TOPBP1: variants seen among roughly 807,000 people sequenced by gnomAD.
TOPBP1 encodes the protein DNA topoisomerase II binding protein 1, also known as DNA topoisomerase 2-binding protein 1.
In TOPBP1, 28 loss-of-function variants were observed where a neutral mutation model predicts 167.7. That is an observed-to-expected ratio of 0.17 (90% CI 0.12 to 0.23). The LOEUF (loss-of-function observed/expected upper bound fraction) is 0.23, where lower values mean the gene tolerates loss of function less well. Among genes scored for constraint, TOPBP1 ranks in the 10% least tolerant of loss-of-function variants. The pLI is 1.00. For synonymous variants in TOPBP1, 598 were observed against 611.4 expected (o/e 0.98, Z 0.32); for missense variants, 1,554 against 1,809.6 (o/e 0.86, Z 2.56).
At chr3:133,624,200 AAAT>A (rs755632880) in intron 16 of TOPBP1, 25 bp from the exon 17 acceptor site, 1 of 1,608,960 alleles carries the variant, frequency 6.2e-7, no homozygotes, top group Admixed American at 1.7e-5. Context: ...ACAAAAAAAC[AAAT>A]AACCAAGAGA....
At chr3:133,604,569 G>A (rs904620857) in intron 27 of TOPBP1, among the ~76,000 whole-genome samples, 1 of 151,676 alleles carries the variant, frequency 6.6e-6, no homozygotes, top group African/African-American at 2.4e-5. Context: ...AAATGAAACA[G>A]AAAATAGGAA....
chr3:133,656,844 T>A lies in TOPBP1; in HGVS notation c.377A>T (p.Lys126Ile). ...TCGTCCGCCCATCATTTGTACATAT[T>A]TATGAACTTCTTCCTGCAGCCCCAA... is the stretch of plus-strand genomic sequence containing the variant. ...LEKEKREEVH[K>I]YVQMMGGRVY... The change falls in exon 5 of 28, where the codon AAA becomes ATA. Residue 126 changes from lysine to isoleucine, a missense_variant. Physicochemically the swap from Lys to Ile is moderately radical, Grantham distance 102. Around this residue, in one of 3 missense-constraint regions of TOPBP1, gnomAD observed 1,197 missense variants for 1,351.5 expected, o/e 0.89. Coordinates refer to ENST00000260810, the MANE Select transcript of TOPBP1 (RefSeq NM_007027.4). 1 of 1,578,084 alleles carries A rather than the reference T, an allele frequency of 6.3e-7. No homozygotes were observed. The highest frequency in any genetic ancestry group is 1.2e-5 in the South Asian group (1 of 84,884).
intron 12 of TOPBP1, among the ~76,000 whole-genome samples, chr3:133,641,080 CTTTT>C (rs896168939): frequency 6.6e-6 from 1 of 151,400 alleles, no homozygotes; most frequent in African/African-American, 2.4e-5. Context: ...TTTCCTAGCA[CTTTT>C]TTTTTCTATG....
rs373900372 is a variant in TOPBP1 at position 133,612,107 on chromosome 3, T to C, written c.4035+282A>G. Among the ~76,000 whole-genome samples, 31 of 151,858 alleles carry C rather than the reference T, an allele frequency of 2.0e-4. 1 individual carries two copies. In the East Asian group the frequency reaches 4.3e-3, roughly 21 times the overall value. On this transcript the variant is annotated intron_variant, in intron 24 of 27. Coordinates refer to ENST00000260810, the MANE Select transcript of TOPBP1 (RefSeq NM_007027.4). ...CCCAGGCTGGAGTACAATGGCATGA[T>C]CTCGGCTCACTGCAACCTCTGCCTT...
intron 17 of TOPBP1, among the ~76,000 whole-genome samples, chr3:133,623,812 T>C (rs1211567004): frequency 6.6e-6 from 1 of 152,234 alleles, no homozygotes; most frequent in African/African-American, 2.4e-5. Flanking sequence ...ATATCACATT[T>C]TTAATTAGTA....
intron 10 of TOPBP1, among the ~76,000 whole-genome samples, chr3:133,645,535 CCTT>C (rs978169220): frequency 3.9e-5 from 6 of 151,962 alleles, no homozygotes; most frequent in African/African-American, 9.7e-5. Flanking sequence ...TAAGTAAAAA[CCTT>C]CTTATTTTTT....
intron 14 of TOPBP1, among the ~76,000 whole-genome samples, chr3:133,636,424 A>G (rs576093871): frequency 6.6e-6 from 1 of 152,270 alleles, no homozygotes; most frequent in Non-Finnish European, 1.5e-5. Flanking sequence ...TTATAAGATT[A>G]TAGATGAAGC....
Position 133,601,066 on chromosome 3 carries a change from A to G in TOPBP1, c.*184T>C. The G allele has an allele frequency of 2.3e-6, 1 of 438,612 alleles. No homozygotes were observed. The highest frequency in any genetic ancestry group is 4.0e-6 in the Non-Finnish European group (1 of 250,334). The allele number at this position is 438,612 out of a possible 1,614,324, so 27.2% of individuals were successfully genotyped here. On this transcript the variant is annotated 3_prime_UTR_variant, in exon 28 of 28. Transcript: ENST00000260810. Reference sequence around the variant, plus strand: ...TATTTCAGGTAACTTTTTATTAAGAAACAGTTAATATTTCAGTGATTACAA... The same window carrying G: ...TATTTCAGGTAACTTTTTATTAAGAGACAGTTAATATTTCAGTGATTACAA...
intron 22 of TOPBP1, 68 bp from the exon 23 acceptor site, chr3:133,616,993 G>C: frequency 8.0e-7 from 1 of 1,254,644 alleles, no homozygotes. Flanking sequence ...TTCTTTTATA[G>C]TGGTATTTTA....
chr3:133,638,807 T>G (rs2107807838), intron 13 of TOPBP1, among the ~76,000 whole-genome samples: 1 of 152,316 alleles, frequency 6.6e-6, no homozygotes, highest in East Asian at 1.9e-4. Context: ...ACAAAAAACC[T>G]TATTAGATAG....
intron 12 of TOPBP1, among the ~76,000 whole-genome samples, chr3:133,641,233 T>A (rs1238156164): frequency 6.6e-6 from 1 of 152,246 alleles, no homozygotes; most frequent in African/African-American, 2.4e-5. Flanking sequence ...CTTCCTTATA[T>A]ATATTTGAAA....
Position 133,620,152 on chromosome 3 carries a change from C to G in TOPBP1, c.3371+3G>C. 1 of 1,609,066 alleles carries G rather than the reference C, an allele frequency of 6.2e-7. No individual in the cohort carries two copies. The highest frequency in any genetic ancestry group is 8.5e-7 in the Non-Finnish European group (1 of 1,177,588). On this transcript the variant is annotated splice_donor_region_variant and intron_variant, in intron 20 of 27. Coordinates refer to ENST00000260810, the MANE Select transcript of TOPBP1 (RefSeq NM_007027.4). ...CTTTCTGCCATCAGTGACAGGTACA[C>G]ACCTCAGTGCCTCTAGGACTCTACT...
Position 133,661,846 on chromosome 3 carries a change from C to T in TOPBP1, c.-85G>A, listed in dbSNP as rs976268868. The T allele has an allele frequency of 6.6e-6, 1 of 152,318 alleles. No individual in the cohort carries two copies. The highest frequency in any genetic ancestry group is 2.4e-5 in the African/African-American group (1 of 41,468). The allele number at this position is 152,318 out of a possible 1,614,324, so 9.4% of individuals were successfully genotyped here. ...CAGGGCGGTGGCTGGGGTCGGGCGC[C>T]AGCCCGGCGCACAGCCCCCTCCCCC... is the stretch of plus-strand genomic sequence containing the variant. On this transcript the variant is annotated 5_prime_UTR_variant, in exon 1 of 28. Coordinates refer to ENST00000260810, the MANE Select transcript of TOPBP1 (RefSeq NM_007027.4).
At chr3:133,639,427 A>C (rs1935812588) in intron 13 of TOPBP1, among the ~76,000 whole-genome samples, 1 of 152,122 alleles carries the variant, frequency 6.6e-6, no homozygotes, top group Admixed American at 6.6e-5. Context: ...GGCAGGGAAC[A>C]TCACACACCG....
At chr3:133,654,166 T>C (rs967561041) in intron 6 of TOPBP1, among the ~76,000 whole-genome samples, 1 of 152,172 alleles carries the variant, frequency 6.6e-6, no homozygotes, top group African/African-American at 2.4e-5. Flanking sequence ...GGTTTGCATA[T>C]AGGCTCCATC....
At chr3:133,612,201 C>T (rs1411552101) in intron 24 of TOPBP1, among the ~76,000 whole-genome samples, 188 bp downstream of exon 24, 1 of 152,048 alleles carries the variant, frequency 6.6e-6, no homozygotes, top group African/African-American at 2.4e-5. Context: ...ACCACCATGC[C>T]TGGCTAATCT....
intron 10 of TOPBP1, among the ~76,000 whole-genome samples, chr3:133,646,651 CA>C (rs561099781): frequency 0.019 from 1,854 of 100,208 alleles, 15 homozygotes; most frequent in Non-Finnish European, 0.025. Context: ...ACCCTGTCTC[CA>C]AAAAAAAAAA....
At chr3:133,601,714 A>G (rs1934305802) in intron 27 of TOPBP1, among the ~76,000 whole-genome samples, 1 of 152,220 alleles carries the variant, frequency 6.6e-6, no homozygotes, top group Admixed American at 6.5e-5. Flanking sequence ...CCAATGTCAC[A>G]TAACTAGCAG....
intron 23 of TOPBP1, among the ~76,000 whole-genome samples, chr3:133,614,494 C>A (rs1317350676): frequency 6.6e-6 from 1 of 152,116 alleles, no homozygotes; most frequent in East Asian, 1.9e-4. Flanking sequence ...GGCATAATAT[C>A]TATTATAATG....
Sources: allele counts gnomAD v4.1 joint callset (sites outside exome capture counted in the v4.1 genomes callset), GRCh38; gene constraint gnomAD v4.1.1; regional missense constraint gnomAD v4.1.1; transcripts MANE v1.5; gene names NCBI Gene and HGNC (gene_info 2026-07-23, HGNC 2026-07-21).